SYNE1: variants seen among roughly 807,000 people sequenced by gnomAD.
SYNE1 encodes nesprin-1.
Under a neutral mutation model 1,111.0 loss-of-function variants are expected in SYNE1, and 616 were observed. That is an observed-to-expected ratio of 0.55 (90% confidence interval 0.52 to 0.59). The LOEUF is 0.59. Among genes scored for constraint, SYNE1 ranks in the 20% least tolerant of loss-of-function variants. SYNE1 has a pLI of 0.00. For missense variants in SYNE1, 10,006 were observed against 10,417.0 expected, an observed-to-expected ratio of 0.96 and a Z score of 1.72; for synonymous variants, 3,855 against 3,825.8, an observed-to-expected ratio of 1.01 and a Z score of -0.28.
intron 3 of SYNE1, among the ~76,000 whole-genome samples, chr6:152,584,144 G>A (rs1013986624): frequency 1.3e-5 from 2 of 152,080 alleles, no homozygotes; most frequent in African/African-American, 4.8e-5. Context: ...CTAAATCGGG[G>A]AGCACAATAA....
intron 58 of SYNE1, among the ~76,000 whole-genome samples, chr6:152,374,997 G>C (rs1175387808): frequency 2.6e-5 from 4 of 151,656 alleles, no homozygotes; most frequent in African/African-American, 7.3e-5. Context: ...CTGGAGTGCA[G>C]TGGCGCAATC....
intron 3 of SYNE1, among the ~76,000 whole-genome samples, chr6:152,574,179 T>C (rs9479350): frequency 4.4e-5 from 6 of 136,250 alleles, no homozygotes; most frequent in East Asian, 2.2e-4. Flanking sequence ...TATACACACA[T>C]ATATATATAC....
At position 152,331,886 on chromosome 6, in the gene SYNE1, C is replaced by CA. The variant is rs2096254444; in HGVS notation, c.12798dup (p.Asp4267Ter). 7 of 1,611,432 alleles carry CA rather than the reference C, an allele frequency of 4.3e-6. No individual in the cohort carries two copies. The highest frequency in any genetic ancestry group is 5.9e-6 in the Non-Finnish European group (7 of 1,179,990). On this transcript the variant is annotated frameshift_variant, in exon 78 of 146. Coordinates refer to ENST00000367255, the MANE Select transcript of SYNE1 (RefSeq NM_182961.4). LOFTEE classifies it high-confidence loss of function. ...AGGTGGACAGCTGTACTCTCTGCAT[C>CA]AGATCTGAAAATACATGGAAAGGTA...
chr6:152,352,277 T>A lies in SYNE1; in HGVS notation c.11330A>T (p.Tyr3777Phe), dbSNP rs1317981815. ...AREKGERAVK[Y>F]LEEGEAERLR... ...CCTCTCTGCCTCGCCTTCCTCCAAGTATTTAACAGCCCTCTCTCCTTTCTC... is the reference window on the plus strand; with the variant it reads ...CCTCTCTGCCTCGCCTTCCTCCAAGAATTTAACAGCCCTCTCTCCTTTCTC... Residue 3777 changes from tyrosine to phenylalanine, a missense_variant, in exon 70 of 146, where the codon TAC (tyrosine) becomes TTC (phenylalanine). Physicochemically the swap from Tyr to Phe is conservative, Grantham distance 22. Transcript: ENST00000367255. The A allele has an allele frequency of 5.6e-6, 9 of 1,614,036 alleles. No homozygotes were observed. Among genetic ancestry groups the A allele is most frequent in the African/African-American group, 1.3e-5 (1 of 74,918 alleles).
chr6:152,431,679 GC>G (rs964309736), intron 34 of SYNE1, among the ~76,000 whole-genome samples: 11 of 151,994 alleles, frequency 7.2e-5, no homozygotes, highest in Non-Finnish European at 8.8e-5. Context: ...AAATACTATT[GC>G]CCTAGGAAAA....
rs9397528 is a variant in SYNE1, at chr6:152,585,030, C to T, written c.67+43235G>A. ...ATCCCTACGTGTCATGAGAGGGACC[C>T]GGTGGGAGGTAATTTAATCATAGGG... On this transcript the variant is annotated intron_variant, in intron 3 of 145. Transcript: ENST00000367255. Among the ~76,000 whole-genome samples the T allele has an allele frequency of 1.2e-4, 18 of 152,206 alleles. No individual in the cohort carries two copies. The East Asian group carries it at 3.5e-3, about 29-fold the overall frequency.
intron 78 of SYNE1, 68 bp downstream of exon 78, chr6:152,329,662 G>T (rs369734218): frequency 5.9e-4 from 952 of 1,606,490 alleles, no homozygotes; most frequent in Non-Finnish European, 7.6e-4. Flanking sequence ...CCAAGCAAAC[G>T]AATTTCTTGT....
intron 127 of SYNE1, among the ~76,000 whole-genome samples, chr6:152,193,754 G>A (rs548139977): frequency 4.6e-5 from 7 of 152,184 alleles, no homozygotes; most frequent in African/African-American, 1.4e-4. Flanking sequence ...GCTCACGCCT[G>A]TAATCCCAGC....
intron 37 of SYNE1, 113 bp from the exon 38 acceptor site, chr6:152,427,929 A>C: frequency 6.8e-7 from 1 of 1,473,274 alleles, no homozygotes; most frequent in South Asian, 1.2e-5. Context: ...AGCCTCAGTT[A>C]TCTCAGTCTT....
chr6:152,218,351 G>C lies in SYNE1; in HGVS notation c.22097C>G (p.Ala7366Gly). ...TATTTCTTCAGCTTCCACTATCCAG[G>C]CCTCCAAAGCTTCTAAACTCTTGGC... is the stretch of plus-strand genomic sequence containing the variant. Reference protein sequence around the residue: ...TFAKSLEALEAWIVEAEEILQ... With the variant: ...TFAKSLEALEGWIVEAEEILQ... Residue 7366 changes from alanine (A) to glycine (G), a missense_variant, in exon 121 of 146, where the codon GCC (alanine) becomes GGC (glycine). Ala to Gly is a moderately conservative substitution (Grantham distance 60). Transcript: ENST00000367255. 6.2e-7 allele frequency: 1 copy of C among 1,613,718 alleles called. No homozygotes were observed. Among genetic ancestry groups the C allele is most frequent in the Non-Finnish European group, 8.5e-7 (1 of 1,179,902 alleles).
chr6:152,261,260 G>GT (rs1440744967), intron 101 of SYNE1, among the ~76,000 whole-genome samples: 1 of 152,190 alleles, frequency 6.6e-6, no homozygotes. Context: ...GACTAGTCTT[G>GT]TATCTGAAGA....
At chr6:152,343,989 A>C (rs1004730805) in intron 74 of SYNE1, 92 bp downstream of exon 74, 4 of 1,558,770 alleles carry the variant, frequency 2.6e-6, no homozygotes, top group Non-Finnish European at 3.5e-6. Flanking sequence ...CCAGGAGTCA[A>C]TACAGTTTGG....
At chr6:152,567,473 C>T (rs1235066813) in intron 3 of SYNE1, among the ~76,000 whole-genome samples, 2 of 152,082 alleles carry the variant, frequency 1.3e-5, no homozygotes, top group Non-Finnish European at 2.9e-5. Flanking sequence ...GTATATATAA[C>T]AGATAATTTG....
At chr6:152,420,285 A>C (rs2098236126) in intron 39 of SYNE1, among the ~76,000 whole-genome samples, 1 of 152,344 alleles carries the variant, frequency 6.6e-6, no homozygotes. Context: ...TCTAAAATAC[A>C]GATTTCTGAT....
intron 25 of SYNE1, among the ~76,000 whole-genome samples, chr6:152,453,240 T>C (rs1381762767): frequency 6.6e-6 from 1 of 152,148 alleles, no homozygotes; most frequent in East Asian, 1.9e-4. Context: ...TGTTTTATGA[T>C]TTCAGTAGGT....
Position 152,278,214 on chromosome 6 carries a change from G to A in SYNE1, c.18448C>T (p.Leu6150=). Residue 6150 remains leucine (L), a synonymous_variant, in exon 98 of 146, where the codon CTG becomes TTG. Coordinates refer to ENST00000367255, the MANE Select transcript of SYNE1 (RefSeq NM_182961.4). ...GTGTGAGCTTTGCCCTCCAGCAGCA[G>A]GTTCTCATTGTGGACTGACAGTTCT... The part of the protein sequence containing the change: ...LSELSVHNEN[L]LLEGKAHTKD... The A allele has an allele frequency of 1.2e-6, 2 of 1,614,178 alleles. No individual in the cohort carries two copies. The highest frequency in any genetic ancestry group is 1.7e-6 in the Non-Finnish European group (2 of 1,180,038).
chr6:152,338,538 C>T (rs1210628502), intron 75 of SYNE1, among the ~76,000 whole-genome samples: 3 of 152,092 alleles, frequency 2.0e-5, no homozygotes, highest in Non-Finnish European at 4.4e-5. Flanking sequence ...GGAGGATCAC[C>T]TGAGCCCAGG....
chr6:152,225,677 T>C, intron 116 of SYNE1, 44 bp downstream of exon 116: 1 of 1,613,754 alleles, frequency 6.2e-7, no homozygotes, highest in Non-Finnish European at 8.5e-7. Flanking sequence ...TGGACAGAGC[T>C]GGCAAACACG....
In SYNE1 at chr6:152,122,121, ACAGAATGGGCCAAGGGCCCAGAATT is replaced by A. The variant is rs1349239679; in HGVS notation, c.*290_*314del. On this transcript the variant is annotated 3_prime_UTR_variant, in exon 146 of 146. Transcript: ENST00000367255. ...GGTCTACTGAAGTCCTTGGCTGTGC[ACAGAATGGGCCAAGGGCCCAGAATT>A]CATGAGTCCGGGGAACTTTGGAGGT... 1 of 408,782 alleles carries A rather than the reference ACAGAATGGGCCAAGGGCCCAGAATT, an allele frequency of 2.4e-6. No homozygotes were observed. Among genetic ancestry groups the A allele is most frequent in the East Asian group, 5.4e-5 (1 of 18,642 alleles). 25.3% of individuals were successfully genotyped at this position (408,782 alleles called of 1,614,324 possible).
Sources: allele counts gnomAD v4.1 joint callset (sites outside exome capture counted in the v4.1 genomes callset), GRCh38; gene constraint gnomAD v4.1.1; transcripts MANE v1.5; gene names NCBI Gene and HGNC (gene_info 2026-07-23, HGNC 2026-07-21).